Variants in STK10 observed in about 807,000 individuals in gnomAD.
STK10 encodes the protein serine/threonine kinase 10.
Under a neutral mutation model 113.8 loss-of-function variants are expected in STK10, and 78 were observed. The observed-to-expected ratio is 0.69, with a 90% CI of 0.57 to 0.83. The LOEUF is 0.83. Ranked by LOEUF, STK10 falls within the 40% of genes least tolerant of loss-of-function variation. STK10 has a pLI of 0.00. For missense variants in STK10, 1,109 were observed against 1,280.1 expected, an observed-to-expected ratio of 0.87 and a Z score of 2.04; for synonymous variants, 465 against 494.7, an observed-to-expected ratio of 0.94 and a Z score of 0.80.
intron 5 of STK10, chr5:172,107,070 A>G: frequency 4.6e-6 from 1 of 216,118 alleles, no homozygotes; most frequent in Non-Finnish European, 9.4e-6. Flanking sequence ...CGGAACACAG[A>G]GTCCTGGGGA....
At chr5:172,083,214 T>A in intron 10 of STK10, 130 bp from the exon 11 acceptor site, 2 of 1,132,690 alleles carry the variant, frequency 1.8e-6, no homozygotes, top group Non-Finnish European at 2.5e-6. Context: ...CAGGCATGAC[T>A]AGAACTCAGG....
chr5:172,187,905 G>A lies in STK10; in HGVS notation c.138C>T (p.Ala46=), dbSNP rs759689633. The change falls in exon 1 of 19, where the codon GCC becomes GCT. Residue 46 remains alanine (A), a synonymous_variant. Transcript: ENST00000176763. The surrounding 1 kb of genome is among the most constrained non-coding windows in gnomAD (Gnocchi z 4.6). ...WEIVGELGDG[A]FGKVYKAKNK... is the part of the protein sequence containing the mutation. ...CCCTCACCTTGTAAACCTTGCCGAA[G>A]GCGCCGTCGCCCAGCTCGCCCACGA... 4 of 1,613,220 alleles carry A rather than the reference G, an allele frequency of 2.5e-6. No individual in the cohort carries two copies. In the South Asian group the frequency reaches 3.3e-5, roughly 13 times the overall value.
chr5:172,106,610 T>A lies in STK10; in HGVS notation c.788+10A>T. 2.5e-6 allele frequency: 4 copies of A among 1,609,876 alleles called. No homozygotes were observed. The highest frequency in any genetic ancestry group is 2.5e-6 in the Non-Finnish European group (3 of 1,178,518). On this transcript the variant is annotated intron_variant, in intron 6 of 18. Coordinates refer to ENST00000176763, the MANE Select transcript of STK10 (RefSeq NM_005990.4). ...GCACCCCGGCAGGTGGCCCTGCCCC[T>A]GCCCCTCACCACTTAGAGGGCGTGA... is the stretch of plus-strand genomic sequence containing the variant.
chr5:172,176,939 C>T (rs909072655), intron 1 of STK10, among the ~76,000 whole-genome samples: 4 of 152,140 alleles, frequency 2.6e-5, no homozygotes, highest in African/African-American at 7.2e-5. Context: ...TCTGGGAGGC[C>T]GAGGCGAGTG....
chr5:172,118,878 C>CAAAAAAAAAAAAAA lies in STK10; in HGVS notation c.371-1262_371-1249dup, dbSNP rs3028101. Reference sequence around the variant, plus strand: ...TGGGTGACAGAGCGAGACTCAGTCTCAAAAAAAAAAAAAAAAAAAGTGTCC... The same window carrying CAAAAAAAAAAAAAA: ...TGGGTGACAGAGCGAGACTCAGTCTCAAAAAAAAAAAAAAAAAAAAAAAAAAAAAAAAAGTGTCC... On this transcript the variant is annotated intron_variant, in intron 3 of 18. Transcript: ENST00000176763. Among the ~76,000 whole-genome samples the CAAAAAAAAAAAAAA allele has an allele frequency of 5.1e-3, 364 of 71,232 alleles. 22 individuals are homozygous for CAAAAAAAAAAAAAA. The highest frequency in any genetic ancestry group is 0.017 in the African/African-American group (349 of 19,970). The allele number at this position is 71,232 out of a possible 152,430, so 46.7% of individuals were successfully genotyped here. A position where few individuals can be genotyped will look rare whatever the true frequency, so the allele number is the denominator to read the frequency against.
chr5:172,052,952 C>T lies in STK10; in HGVS notation c.2743G>A (p.Asp915Asn). The T allele has an allele frequency of 6.2e-7, 1 of 1,614,138 alleles. No homozygotes were observed. Among genetic ancestry groups the T allele is most frequent in the Non-Finnish European group, 8.5e-7 (1 of 1,180,032 alleles). ...SHNQNLKEWR[D>N]KLRPRKKALE... is the part of the protein sequence containing the mutation. ...ACCTTCTTGCGCGGCCGAAGCTTGT[C>T]CCGCCATTCCTTCAGGTTCTGGTTA... is the stretch of plus-strand genomic sequence containing the variant. Residue 915 changes from aspartate (D) to asparagine (N), a missense_variant, in exon 18 of 19, where the codon GAC (aspartate) becomes AAC (asparagine). Transcript: ENST00000176763.
intron 1 of STK10, among the ~76,000 whole-genome samples, chr5:172,168,120 T>G (rs570266732): frequency 1.3e-5 from 2 of 152,164 alleles, no homozygotes; most frequent in African/African-American, 4.8e-5. Context: ...AGGGTTCCTA[T>G]TTCCCTGTCT....
chr5:172,062,477 G>C (rs988877517), intron 13 of STK10, among the ~76,000 whole-genome samples: 1 of 152,124 alleles, frequency 6.6e-6, no homozygotes, highest in Non-Finnish European at 1.5e-5. Flanking sequence ...ATTCACAACA[G>C]TCAAGGGATG....
chr5:172,142,459 C>G (rs1769993720), intron 2 of STK10, among the ~76,000 whole-genome samples: 1 of 152,170 alleles, frequency 6.6e-6, no homozygotes, highest in South Asian at 2.1e-4. Context: ...CCTCAACATC[C>G]CCACAAGGCA....
intron 2 of STK10, among the ~76,000 whole-genome samples, chr5:172,141,111 G>A (rs1769962599): frequency 6.6e-6 from 1 of 152,208 alleles, no homozygotes; most frequent in African/African-American, 2.4e-5. Flanking sequence ...ACGGGCTGAT[G>A]GTAGAGGAAA....
At chr5:172,162,755 T>C (rs1709746627) in intron 1 of STK10, among the ~76,000 whole-genome samples, 1 of 152,244 alleles carries the variant, frequency 6.6e-6, no homozygotes, top group Admixed American at 6.5e-5. Flanking sequence ...CACTCATCTT[T>C]CAGTCCTGAA....
intron 18 of STK10, among the ~76,000 whole-genome samples, chr5:172,050,364 C>T (rs1767600882): frequency 6.6e-6 from 1 of 152,210 alleles, no homozygotes; most frequent in Non-Finnish European, 1.5e-5. Flanking sequence ...GGGCTGAACT[C>T]GCCACTTGAT....
At chr5:172,169,161 C>A (rs1175392042) in intron 1 of STK10, among the ~76,000 whole-genome samples, 1 of 152,182 alleles carries the variant, frequency 6.6e-6, no homozygotes, top group African/African-American at 2.4e-5. Flanking sequence ...AGAACCCCAG[C>A]CCACCTCCCC....
In STK10 at chr5:172,187,944, G is replaced by T; in HGVS notation, c.99C>A (p.Asn33Lys). ...GCTCGCCCACGATCTCCCACACCTC[G>T]TTGGGGTCCAGGTCGCGGCGGACGT... ...YEHVRRDLDPNEVWEIVGELG... is the reference protein window; with the variant it reads ...YEHVRRDLDPKEVWEIVGELG... Residue 33 changes from asparagine (N) to lysine (K), a missense_variant, in exon 1 of 19, where the codon AAC becomes AAA. Around this residue, in one of 5 missense-constraint regions of STK10, gnomAD observed 57 missense variants for 53.6 expected, o/e 1.06. Coordinates refer to ENST00000176763, the MANE Select transcript of STK10 (RefSeq NM_005990.4). This position sits in a 1 kb window ranked among gnomAD's most constrained non-coding sequence, Gnocchi z 4.6. 1 of 1,613,578 alleles carries T rather than the reference G, an allele frequency of 6.2e-7. No individual in the cohort carries two copies. Among genetic ancestry groups the T allele is most frequent in the Admixed American group, 1.7e-5 (1 of 60,006 alleles).
Position 172,082,205 on chromosome 5 carries a change from C to T in STK10, c.1989+121G>A, listed in dbSNP as rs1768449060. The T allele has an allele frequency of 2.6e-6, 3 of 1,145,864 alleles. No individual in the cohort carries two copies. In the East Asian group the frequency reaches 8.4e-5, roughly 32 times the overall value. 71.0% of individuals were successfully genotyped at this position (1,145,864 alleles called of 1,614,324 possible). A position where few individuals can be genotyped will look rare whatever the true frequency, so the allele number is the denominator to read the frequency against. ...GGGCACACAGATCCAGGCTCACCTG[C>T]TCCCGAGCTCTTCAGCCGTACCCCT... On this transcript the variant is annotated intron_variant, in intron 12 of 18. Coordinates refer to ENST00000176763, the MANE Select transcript of STK10 (RefSeq NM_005990.4). The surrounding 1 kb of genome is among the most constrained non-coding windows in gnomAD (Gnocchi z 4.3).
Position 172,082,257 on chromosome 5 carries a change from C to T in STK10, c.1989+69G>A, listed in dbSNP as rs768266526. 20 of 1,430,464 alleles carry T rather than the reference C, an allele frequency of 1.4e-5. No individual in the cohort carries two copies. Among genetic ancestry groups the T allele is most frequent in the East Asian group, 2.6e-5 (1 of 37,914 alleles). The allele number at this position is 1,430,464 out of a possible 1,614,324, so 88.6% of individuals were successfully genotyped here. A position where few individuals can be genotyped will look rare whatever the true frequency, so the allele number is the denominator to read the frequency against. ...TGCTGCCAAGGTGAGGTTGAGGCCA[C>T]GATCACTTGCAACCAAGAAGGCCCC... On this transcript the variant is annotated intron_variant, in intron 12 of 18. Coordinates refer to ENST00000176763, the MANE Select transcript of STK10 (RefSeq NM_005990.4). This position sits in a 1 kb window ranked among gnomAD's most constrained non-coding sequence, Gnocchi z 4.3.
In STK10 at chr5:172,042,451, C is replaced by T. The variant is rs190845875; in HGVS notation, c.*2431G>A. On this transcript the variant is annotated 3_prime_UTR_variant, in exon 19 of 19. Transcript: ENST00000176763. ...GGGGACGCGGCAACTCCTTGAAGGG[C>T]AAAAGTGATGTGAAGGACGAGCCAC... 1.1e-4 allele frequency: 17 copies of T among 152,714 alleles called. No individual in the cohort carries two copies. Among genetic ancestry groups the T allele is most frequent in the Admixed American group, 5.2e-4 (8 of 15,280 alleles). 9.5% of individuals were successfully genotyped at this position (152,714 alleles called of 1,614,324 possible).
intron 1 of STK10, among the ~76,000 whole-genome samples, chr5:172,183,565 C>T (rs1330084383): frequency 6.7e-6 from 1 of 148,910 alleles, no homozygotes; most frequent in African/African-American, 2.6e-5. Context: ...TCTCCTGCCT[C>T]GGCCTCCTAG....
intron 12 of STK10, among the ~76,000 whole-genome samples, chr5:172,079,977 C>T (rs1768395331): frequency 6.6e-6 from 1 of 152,178 alleles, no homozygotes; most frequent in Admixed American, 6.5e-5. Context: ...GTCATTTTTA[C>T]AAATTGAAGG....
Sources: allele counts gnomAD v4.1 joint callset (sites outside exome capture counted in the v4.1 genomes callset), GRCh38; gene constraint gnomAD v4.1.1; regional missense constraint gnomAD v4.1.1; non-coding constraint Gnocchi (gnomAD v3.1); transcripts MANE v1.5; gene names NCBI Gene and HGNC (gene_info 2026-07-23, HGNC 2026-07-21).